Variants in PLEKHD1 observed in about 807,000 individuals in gnomAD.
The protein encoded by PLEKHD1 is pleckstrin homology domain-containing family D member 1.
In PLEKHD1, 51 loss-of-function variants were observed where a neutral mutation model predicts 69.2. That is an observed-to-expected ratio of 0.74 (90% CI 0.59 to 0.93). The LOEUF (loss-of-function observed/expected upper bound fraction) is 0.93. Ranked by LOEUF, PLEKHD1 falls within the 40% of genes least tolerant of loss-of-function variation. The pLI is 0.00. For missense variants in PLEKHD1, 584 were observed against 641.0 expected, an observed-to-expected ratio of 0.91 and a Z score of 0.96; for synonymous variants, 236 against 244.7, an observed-to-expected ratio of 0.96 and a Z score of 0.33.
chr14:69,490,957 T>G (rs1296851980), intron 1 of PLEKHD1, among the ~76,000 whole-genome samples: 1 of 152,166 alleles, frequency 6.6e-6, no homozygotes, highest in Non-Finnish European at 1.5e-5. Context: ...GGCTGGATGT[T>G]CGCCTTCCTG....
At chr14:69,496,326 C>G (rs1162633407) in intron 1 of PLEKHD1, among the ~76,000 whole-genome samples, 1 of 152,166 alleles carries the variant, frequency 6.6e-6, no homozygotes, top group South Asian at 2.1e-4. Flanking sequence ...TCAGCTTGGG[C>G]TACTATAACA....
chr14:69,526,982 C>G (rs1265518290), intron 10 of PLEKHD1, among the ~76,000 whole-genome samples, 153 bp downstream of exon 10: 2 of 152,196 alleles, frequency 1.3e-5, no homozygotes, highest in Non-Finnish European at 2.9e-5. Flanking sequence ...GGGGAAGCAG[C>G]AAGTCTGCTG....
chr14:69,485,188 C>T (rs1882628578), intron 1 of PLEKHD1, 74 bp downstream of exon 1: 3 of 1,467,152 alleles, frequency 2.0e-6, no homozygotes, highest in East Asian at 2.5e-5. Flanking sequence ...CCACCCCCTC[C>T]AGTCGCCGTC....
the PLEKHD1 span, among the ~76,000 whole-genome samples, chr14:69,477,123 C>T: frequency 5.3e-5 from 8 of 152,182 alleles, no homozygotes; most frequent in Non-Finnish European, 1.2e-4. Context: ...GCAATTCTCC[C>T]GCCTCAGCCT....
In PLEKHD1 at chr14:69,506,920, A is replaced by G. The variant is rs368050115; in HGVS notation, c.555+4041A>G. On this transcript the variant is annotated intron_variant, in intron 6 of 12. Coordinates refer to ENST00000322564, the MANE Select transcript of PLEKHD1 (RefSeq NM_001161498.2). ...TTTTTTTTTTTTTTTTTTTTTTTTTAAAGACGGAATCTTGCCCTGTTGCCC... is the reference window on the plus strand; with the variant it reads ...TTTTTTTTTTTTTTTTTTTTTTTTTGAAGACGGAATCTTGCCCTGTTGCCC... Among the ~76,000 whole-genome samples, 80 of 66,276 alleles carry G rather than the reference A, an allele frequency of 1.2e-3. 1 individual carries two copies. Among genetic ancestry groups the G allele is most frequent in the African/African-American group, 8.3e-3 (77 of 9,322 alleles). 43.5% of individuals were successfully genotyped at this position (66,276 alleles called of 152,430 possible).
intron 1 of PLEKHD1, among the ~76,000 whole-genome samples, chr14:69,487,240 G>T (rs1021929592): frequency 6.7e-6 from 1 of 150,264 alleles, no homozygotes; most frequent in Middle Eastern, 3.2e-3. Flanking sequence ...TTAGTCTTGG[G>T]TCAGTGACAG....
chr14:69,500,780 G>A (rs1219680480), intron 3 of PLEKHD1, 91 bp from the exon 4 acceptor site: 7 of 1,516,124 alleles, frequency 4.6e-6, no homozygotes, highest in East Asian at 2.5e-5. Flanking sequence ...AGCACCCAGG[G>A]ATGTGGGGTG....
chr14:69,470,806 G>A, the PLEKHD1 span, among the ~76,000 whole-genome samples: 8,057 of 150,986 alleles, frequency 0.053, 315 homozygotes, highest in East Asian at 0.095. Flanking sequence ...TCGCTCTGTC[G>A]CCCAGGCTGG....
At chr14:69,476,984 C>G in the PLEKHD1 span, among the ~76,000 whole-genome samples, 3 of 147,962 alleles carry the variant, frequency 2.0e-5, no homozygotes, top group South Asian at 6.7e-4. Flanking sequence ...GGCGGGGAAA[C>G]TCCCCTTTAT....
At position 69,530,862 on chromosome 14, in the gene PLEKHD1, T is replaced by C. The variant is rs552808826; in HGVS notation, c.*2443T>C. 3 of 152,350 alleles carry C rather than the reference T, an allele frequency of 2.0e-5. No homozygotes were observed. Among genetic ancestry groups the C allele is most frequent in the Middle Eastern group, 3.4e-3 (1 of 294 alleles). 9.4% of individuals were successfully genotyped at this position (152,350 alleles called of 1,614,324 possible). ...ATCCTTTCATAAGGGAGAGTCTTCA[T>C]GGCCAAATCACCTCTTAAATGTTCC... is the stretch of plus-strand genomic sequence containing the variant. On this transcript the variant is annotated 3_prime_UTR_variant, in exon 13 of 13. Transcript: ENST00000322564.
At chr14:69,485,568 A>C in intron 1 of PLEKHD1, among the ~76,000 whole-genome samples, 1 of 124,198 alleles carries the variant, frequency 8.1e-6, no homozygotes, top group African/African-American at 2.9e-5. Flanking sequence ...CCAACCACCC[A>C]CCCTTAAGAC....
chr14:69,527,756 C>G (rs1885400), intron 11 of PLEKHD1, 27 bp from the exon 12 acceptor site: 1,550,653 of 1,550,992 alleles, frequency 1, 775,157 homozygotes, highest in Middle Eastern at 1. Flanking sequence ...AGTCGGAACC[C>G]CACCCTTCCT....
At chr14:69,515,880 G>A (rs535635216) in intron 6 of PLEKHD1, among the ~76,000 whole-genome samples, 7 of 152,136 alleles carry the variant, frequency 4.6e-5, no homozygotes, top group Admixed American at 2.0e-4. Context: ...CATGAGATTC[G>A]GGCAGGAACA....
At chr14:69,491,893 A>G (rs778026189) in intron 1 of PLEKHD1, among the ~76,000 whole-genome samples, 7 of 152,064 alleles carry the variant, frequency 4.6e-5, no homozygotes, top group Non-Finnish European at 8.8e-5. Context: ...GTTCCTGCTC[A>G]CTCTGCCCTT....
intron 1 of PLEKHD1, among the ~76,000 whole-genome samples, chr14:69,493,450 C>A (rs1322921454): frequency 6.6e-6 from 1 of 152,182 alleles, no homozygotes; most frequent in East Asian, 1.9e-4. Context: ...ACTAGAGAAA[C>A]CTCTGTGCCT....
At chr14:69,500,466 G>A in intron 2 of PLEKHD1, 111 bp from the exon 3 acceptor site, 1 of 859,352 alleles carries the variant, frequency 1.2e-6, no homozygotes, top group Non-Finnish European at 1.8e-6. Context: ...CCAGGGTCTA[G>A]CTTCCATCCT....
chr14:69,504,897 G>A (rs145239562), intron 6 of PLEKHD1, among the ~76,000 whole-genome samples: 7 of 152,306 alleles, frequency 4.6e-5, no homozygotes, highest in Non-Finnish European at 8.8e-5. Flanking sequence ...CAAGGCTTCT[G>A]TATTGTCAGC....
chr14:69,502,243 T>A (rs111565500), intron 5 of PLEKHD1: 1 of 182,386 alleles, frequency 5.5e-6, no homozygotes, highest in East Asian at 1.4e-4. Flanking sequence ...GTGGAGTTGA[T>A]GTTGTTATCC....
intron 1 of PLEKHD1, among the ~76,000 whole-genome samples, chr14:69,499,677 T>C (rs1312923693): frequency 6.6e-6 from 1 of 152,218 alleles, no homozygotes; most frequent in African/African-American, 2.4e-5. Context: ...GGCTGCAGAT[T>C]GCCAGCTTTC....
Sources: gnomAD v4.1 joint callset for allele counts (sites outside exome capture counted in the v4.1 genomes callset) on GRCh38, gnomAD v4.1.1 for gene constraint, MANE v1.5 for transcripts, NCBI Gene and HGNC (gene_info 2026-07-23, HGNC 2026-07-21) for gene names.